Variants in MACF1 observed in about 807,000 individuals in gnomAD.
MACF1 encodes the protein microtubule actin crosslinking factor 1.
Under a neutral mutation model 854.8 loss-of-function variants are expected in MACF1, and 193 were observed. The observed-to-expected ratio is 0.23, with a 90% confidence interval of 0.20 to 0.25. The LOEUF is 0.25. Ranked by LOEUF, MACF1 falls within the 10% of genes least tolerant of loss-of-function variation. The pLI, the probability that MACF1 is intolerant of heterozygous loss-of-function variation, is 1.00. For missense variants in MACF1, 7,722 were observed against 8,929.1 expected (o/e 0.86, Z 5.45); for synonymous variants, 3,185 against 3,226.7 (o/e 0.99, Z 0.44).
chr1:39,252,037 T>A, intron 4 of MACF1, 96 bp downstream of exon 4: 1 of 736,232 alleles, frequency 1.4e-6, no homozygotes, highest in Non-Finnish European at 1.9e-6. Flanking sequence ...AGTAGTTCAG[T>A]TACTATTTGC....
chr1:39,119,337 AAC>A lies in MACF1; in HGVS notation c.220+34901_220+34902del, dbSNP rs1385586033. ...CGTCTCAAAAAAAAAAAAAAAAAAA[AAC>A]AACCAGAAAAACAAACAAGTGTTAT... On this transcript the variant is annotated intron_variant, in intron 2 of 93. Coordinates refer to the MACF1 transcript ENST00000361689. Among the ~76,000 whole-genome samples, 48 of 151,526 alleles carry A rather than the reference AAC, an allele frequency of 3.2e-4. 1 individual carries two copies. The highest frequency in any genetic ancestry group is 1.0e-3 in the South Asian group (5 of 4,808).
Position 39,428,276 on chromosome 1 carries a change from G to A in MACF1, c.16792G>A (p.Ala5598Thr), listed in dbSNP as rs1403035809. 3.1e-6 allele frequency: 5 copies of A among 1,609,064 alleles called. No homozygotes were observed. The highest frequency in any genetic ancestry group is 4.2e-6 in the Non-Finnish European group (5 of 1,177,246). Residue 5598 changes from alanine to threonine, a missense_variant, in exon 63 of 101, where the codon GCT (alanine) becomes ACT (threonine). This residue lies in a region of MACF1 where 2,807 missense variants were observed against 3,235.8 expected (regional missense o/e 0.87). Coordinates refer to ENST00000564288, the MANE Select transcript of MACF1 (RefSeq NM_001394062.1). ...FKQDVLHRQHADHLALNEEIV... is the reference protein window; with the variant it reads ...FKQDVLHRQHTDHLALNEEIV... ...ACAGGATGTCCTGCACAGGCAGCAT[G>A]CTGACCACCTGGTATTCATGTTTCC...
At chr1:39,387,060 C>T in intron 57 of MACF1, 127 bp from the exon 58 acceptor site, 1 of 982,358 alleles carries the variant, frequency 1.0e-6, no homozygotes. Context: ...AATTATATGC[C>T]TCTTTTTGGT....
At chr1:39,348,696 T>G (rs1647111717) in intron 41 of MACF1, among the ~76,000 whole-genome samples, 1 of 151,998 alleles carries the variant, frequency 6.6e-6, no homozygotes, top group Non-Finnish European at 1.5e-5. Context: ...TGGTGGAAAA[T>G]GGTTTTAGAA....
intron 54 of MACF1, 53 bp from the exon 55 acceptor site, chr1:39,380,191 A>G: frequency 1.9e-6 from 3 of 1,584,358 alleles, no homozygotes; most frequent in Non-Finnish European, 2.6e-6. Context: ...CCACACACAC[A>G]ACTTTGTTTC....
At chr1:39,314,536 C>T (rs1467271536) in intron 26 of MACF1, among the ~76,000 whole-genome samples, 1 of 148,212 alleles carries the variant, frequency 6.7e-6, no homozygotes, top group African/African-American at 2.5e-5. Flanking sequence ...TTATTGATCT[C>T]TCAATTTCTC....
chr1:39,337,253 C>T lies in MACF1; in HGVS notation c.10137C>T (p.Asn3379=). 1 of 1,614,078 alleles carries T rather than the reference C, an allele frequency of 6.2e-7. No individual in the cohort carries two copies. The highest frequency in any genetic ancestry group is 8.5e-7 in the Non-Finnish European group (1 of 1,179,958). The change falls in exon 38 of 101, where the codon AAC becomes AAT. Residue 3379 remains asparagine (N), a synonymous_variant. Transcript: ENST00000564288. ...TATCCTATCTGTCTCTGTTACGGAACATTGAAATGAGGACCAAACAGATTC... is the reference window on the plus strand; with the variant it reads ...TATCCTATCTGTCTCTGTTACGGAATATTGAAATGAGGACCAAACAGATTC... ...KLVSYLSLLR[N]IEMRTKQIQP...
rs753988758 is a variant in MACF1, at chr1:39,316,566, CAT to C, written c.3588+40_3588+41del. ...TGAGTTTCTTAGGAGGTTGACCTAA[CAT>C]ATTCATTGCTTTGGGTTAGCAGAGA... is the stretch of plus-strand genomic sequence containing the variant. On this transcript the variant is annotated intron_variant, in intron 28 of 100. Coordinates refer to ENST00000564288, the MANE Select transcript of MACF1 (RefSeq NM_001394062.1). 4.4e-6 allele frequency: 7 copies of C among 1,588,248 alleles called. No individual in the cohort carries two copies. The African/African-American group carries it at 8.1e-5, about 18-fold the overall frequency.
At chr1:39,139,841 G>C (rs1373440412) in intron 2 of MACF1, among the ~76,000 whole-genome samples, 1 of 151,938 alleles carries the variant, frequency 6.6e-6, no homozygotes, top group African/African-American at 2.4e-5. Flanking sequence ...TTAGCTCATT[G>C]GAACCTCACA....
chr1:39,440,044 A>G (rs1346590226), intron 72 of MACF1, among the ~76,000 whole-genome samples: 12 of 149,214 alleles, frequency 8.0e-5, no homozygotes, highest in Non-Finnish European at 1.6e-4. Context: ...CAGTTGTTAC[A>G]TTGACATACT....
rs1645950835 is a variant in MACF1, at chr1:39,297,600, C to A, written c.2356-20C>A. 1 of 1,613,788 alleles carries A rather than the reference C, an allele frequency of 6.2e-7. No individual in the cohort carries two copies. The highest frequency in any genetic ancestry group is 1.7e-5 in the Admixed American group (1 of 59,994). On this transcript the variant is annotated intron_variant, in intron 20 of 100. Transcript: ENST00000564288. ...TCTAATGTTTTGAGCAGAAGGCATC[C>A]TTACTTTGTATTCCCATAGTTCTTC... is the stretch of plus-strand genomic sequence containing the variant.
intron 100 of MACF1, 119 bp downstream of exon 100, chr1:39,484,849 A>G: frequency 8.7e-7 from 1 of 1,150,498 alleles, no homozygotes; most frequent in Non-Finnish European, 1.3e-6. Flanking sequence ...TGTGATGCCC[A>G]GAAAGACAGA....
At chr1:39,107,960 G>A (rs1642290523) in intron 2 of MACF1, among the ~76,000 whole-genome samples, 1 of 152,122 alleles carries the variant, frequency 6.6e-6, no homozygotes, top group Non-Finnish European at 1.5e-5. Flanking sequence ...TAATGTATTT[G>A]GAGTGTGAGG....
At chr1:39,378,580 G>A in intron 53 of MACF1, 57 bp downstream of exon 53, 1 of 1,491,814 alleles carries the variant, frequency 6.7e-7, no homozygotes, top group Admixed American at 1.7e-5. Flanking sequence ...CAGTGTCTAT[G>A]TTTGCATCTG....
intron 52 of MACF1, among the ~76,000 whole-genome samples, chr1:39,374,250 T>A (rs955123852): frequency 2.6e-4 from 39 of 151,988 alleles, no homozygotes; most frequent in Admixed American, 2.4e-3. Flanking sequence ...TAAAAAAAAA[T>A]AAATAAATAA....
intron 47 of MACF1, 95 bp downstream of exon 47, chr1:39,359,359 G>C: frequency 1.4e-6 from 2 of 1,402,360 alleles, no homozygotes; most frequent in South Asian, 2.6e-5. Context: ...AATATCTGTG[G>C]TGCCAGGCTA....
chr1:39,202,549 C>T (rs55986798), upstream of MACF1, among the ~76,000 whole-genome samples: 4,679 of 151,640 alleles, frequency 0.031, 234 homozygotes, highest in African/African-American at 0.11. Flanking sequence ...GCAGGAGAAT[C>T]GCTTGAAGCC....
At chr1:39,329,113 A>G (rs1291794166) in intron 36 of MACF1, among the ~76,000 whole-genome samples, 1 of 152,230 alleles carries the variant, frequency 6.6e-6, no homozygotes, top group Non-Finnish European at 1.5e-5. Flanking sequence ...AAACAGACAC[A>G]TAGTGAGTTT....
intron 47 of MACF1, among the ~76,000 whole-genome samples, chr1:39,359,605 G>A (rs112009663): frequency 4.4e-4 from 67 of 152,136 alleles, no homozygotes; most frequent in African/African-American, 1.3e-3. Flanking sequence ...TGCTTACCAA[G>A]CGTGGTGAAA....
Sources: allele counts gnomAD v4.1 joint callset (sites outside exome capture counted in the v4.1 genomes callset), GRCh38; gene constraint gnomAD v4.1.1; regional missense constraint gnomAD v4.1.1; transcripts MANE v1.5; gene names NCBI Gene and HGNC (gene_info 2026-07-23, HGNC 2026-07-21).